TNIK: variants seen among roughly 807,000 people sequenced by gnomAD.
TNIK encodes TRAF2 and NCK-interacting protein kinase.
A neutral mutation model predicts 191.3 loss-of-function variants in TNIK; 49 were observed. That is an observed-to-expected ratio of 0.26 (90% confidence interval 0.20 to 0.32). The LOEUF is 0.32. Among genes scored for constraint, TNIK ranks in the 10% least tolerant of loss-of-function variants. The pLI is 1.00. For missense variants in TNIK, 1,155 were observed against 1,702.3 expected, an observed-to-expected ratio of 0.68 and a Z score of 5.66; for synonymous variants, 594 against 600.9, an observed-to-expected ratio of 0.99 and a Z score of 0.17.
Position 171,085,068 on chromosome 3 carries a change from C to T in TNIK, c.2998+50G>A, listed in dbSNP as rs1356856292. 2.7e-6 allele frequency: 4 copies of T among 1,465,222 alleles called. No individual in the cohort carries two copies. The South Asian group carries it at 5.1e-5, about 18-fold the overall frequency. The allele number at this position is 1,465,222 out of a possible 1,614,324, so 90.8% of individuals were successfully genotyped here. A position where few individuals can be genotyped will look rare whatever the true frequency, so the allele number is the denominator to read the frequency against. On this transcript the variant is annotated intron_variant, in intron 25 of 32. Transcript: ENST00000436636. Reference sequence around the variant, plus strand: ...GATTAATTTCCTTATCAGGTCATACCAGAAAGGAAGACGAAGCTGTTTTTT... The same window carrying T: ...GATTAATTTCCTTATCAGGTCATACTAGAAAGGAAGACGAAGCTGTTTTTT...
intron 1 of TNIK, among the ~76,000 whole-genome samples, chr3:171,373,915 C>G (rs1400949196): frequency 6.6e-6 from 1 of 152,202 alleles, no homozygotes; most frequent in Non-Finnish European, 1.5e-5. Context: ...GTGCACAGCT[C>G]TATGATAACC....
At chr3:171,301,935 AG>A (rs1464198148) in intron 2 of TNIK, among the ~76,000 whole-genome samples, 1 of 151,496 alleles carries the variant, frequency 6.6e-6, no homozygotes, top group Non-Finnish European at 1.5e-5. Context: ...CAAATGGTTC[AG>A]GGGAAAAAAT....
chr3:171,411,430 C>T (rs1291230975), intron 1 of TNIK, among the ~76,000 whole-genome samples: 1 of 151,982 alleles, frequency 6.6e-6, no homozygotes, highest in East Asian at 1.9e-4. Context: ...AAAAGAGTTG[C>T]CTTTGATCAC....
chr3:171,075,946 C>A (rs1381315834), intron 28 of TNIK, among the ~76,000 whole-genome samples: 1 of 152,140 alleles, frequency 6.6e-6, no homozygotes, highest in African/African-American at 2.4e-5. Flanking sequence ...CTATGTTGGC[C>A]AGGCTGGTCT....
rs560766444 is a variant in TNIK at position 171,244,213 on chromosome 3, C to T, written c.124-15992G>A. Among the ~76,000 whole-genome samples, 828 of 151,932 alleles carry T rather than the reference C, an allele frequency of 5.4e-3. 7 individuals carry two copies. Among genetic ancestry groups the T allele is most frequent in the South Asian group, 0.02 (97 of 4,800 alleles). On this transcript the variant is annotated intron_variant, in intron 2 of 32. Coordinates refer to ENST00000436636, the MANE Select transcript of TNIK (RefSeq NM_015028.4). Reference sequence around the variant, plus strand: ...CCGAGTAGCTGGGACTACAGGCGCCCGCCACCACGCCCGGCTAATTTTTTG... The same window carrying T: ...CCGAGTAGCTGGGACTACAGGCGCCTGCCACCACGCCCGGCTAATTTTTTG...
At chr3:171,437,505 A>T (rs2108678680) in intron 1 of TNIK, among the ~76,000 whole-genome samples, 1 of 152,310 alleles carries the variant, frequency 6.6e-6, no homozygotes, top group African/African-American at 2.4e-5. Context: ...TGCCTCCAAG[A>T]CCTATGTCTA....
intron 2 of TNIK, among the ~76,000 whole-genome samples, chr3:171,355,883 C>T (rs2108451934): frequency 6.6e-6 from 1 of 152,216 alleles, no homozygotes; most frequent in African/African-American, 2.4e-5. Context: ...ATTGTCTCTC[C>T]CCACCCTCAA....
At chr3:171,112,206 C>T (rs943874447) in intron 18 of TNIK, among the ~76,000 whole-genome samples, 4 of 152,050 alleles carry the variant, frequency 2.6e-5, no homozygotes, top group Admixed American at 2.6e-4. Flanking sequence ...TCAATCATAC[C>T]TCAGTAAAGC....
At chr3:171,181,180 T>C (rs1017357849) in intron 7 of TNIK, among the ~76,000 whole-genome samples, 5 of 152,196 alleles carry the variant, frequency 3.3e-5, no homozygotes, top group Non-Finnish European at 5.9e-5. Context: ...CGAATTCAAA[T>C]AGAGGTTTCC....
chr3:171,387,837 G>A (rs188578312), intron 1 of TNIK, among the ~76,000 whole-genome samples: 25 of 152,136 alleles, frequency 1.6e-4, no homozygotes, highest in East Asian at 1.5e-3. Context: ...TCCCCTTTGC[G>A]GTATCTTACA....
intron 1 of TNIK, among the ~76,000 whole-genome samples, chr3:171,371,645 T>A (rs1015755302): frequency 1.3e-5 from 2 of 151,986 alleles, no homozygotes; most frequent in African/African-American, 4.8e-5. Context: ...CAACACCCCA[T>A]AGTTAGAAGA....
chr3:171,153,307 C>G (rs576675171), intron 12 of TNIK, among the ~76,000 whole-genome samples: 1 of 152,042 alleles, frequency 6.6e-6, no homozygotes, highest in Non-Finnish European at 1.5e-5. Flanking sequence ...CAGGCCTACA[C>G]TCTCTTCTCA....
At chr3:171,275,338 T>C (rs11915443) in intron 2 of TNIK, among the ~76,000 whole-genome samples, 53,657 of 151,762 alleles carry the variant, frequency 0.35, 9,844 homozygotes, top group African/African-American at 0.46. Context: ...CAAGAAAGAA[T>C]ACAAATGAGA....
intron 2 of TNIK, among the ~76,000 whole-genome samples, chr3:171,257,779 G>A (rs367645144): frequency 1.1e-4 from 17 of 152,288 alleles, no homozygotes; most frequent in African/African-American, 4.1e-4. Flanking sequence ...ACTTTCTGGA[G>A]AGCAGGCTAC....
intron 29 of TNIK, 139 bp from the exon 30 acceptor site, chr3:171,069,136 C>T (rs1023037076): frequency 1.8e-6 from 2 of 1,085,506 alleles, no homozygotes; most frequent in Non-Finnish European, 2.6e-6. Context: ...AGTTTTAGGT[C>T]TGTTGATATT....
intron 2 of TNIK, among the ~76,000 whole-genome samples, chr3:171,295,727 C>T (rs1267703394): frequency 5.3e-5 from 8 of 152,164 alleles, no homozygotes; most frequent in Non-Finnish European, 8.8e-5. Flanking sequence ...TGAGTGTGTC[C>T]TAGCAATGTG....
chr3:171,174,320 A>C (rs1735709097), intron 9 of TNIK, among the ~76,000 whole-genome samples: 2 of 152,154 alleles, frequency 1.3e-5, no homozygotes. Context: ...GGAAAGGGGC[A>C]GAAGGATCCT....
At position 171,108,746 on chromosome 3, in the gene TNIK, AT is replaced by A. The variant is rs542785525; in HGVS notation, c.2285-585del. On this transcript the variant is annotated intron_variant, in intron 19 of 32. Transcript: ENST00000436636. The stretch of plus-strand genomic sequence containing the variant: ...ATTTTATTTGGTGGAACGGTTTTTA[AT>A]TGGAGATGGGAGTGGTCTCAGCCCT... Among the ~76,000 whole-genome samples the A allele has an allele frequency of 6.3e-4, 96 of 152,296 alleles. 1 individual carries two copies. Among genetic ancestry groups the A allele is most frequent in the African/African-American group, 2.3e-3 (95 of 41,552 alleles).
At chr3:171,443,979 A>T (rs1358935907) in intron 1 of TNIK, among the ~76,000 whole-genome samples, 2 of 152,186 alleles carry the variant, frequency 1.3e-5, no homozygotes, top group Admixed American at 1.3e-4. Context: ...TAGTCTGATG[A>T]TGATTGTCTA....
Sources: gnomAD v4.1 joint callset for allele counts (sites outside exome capture counted in the v4.1 genomes callset) on GRCh38, gnomAD v4.1.1 for gene constraint, MANE v1.5 for transcripts, NCBI Gene and HGNC (gene_info 2026-07-23, HGNC 2026-07-21) for gene names.